The following PVALB variants were observed in gnomAD, a reference collection of about 807,000 sequenced individuals.
PVALB encodes parvalbumin alpha.
A neutral mutation model predicts 10.9 loss-of-function variants in PVALB; 11 were observed. The ratio of observed to expected loss-of-function variants is 1.01; its 90% CI spans 0.63 to 1.67. The LOEUF (loss-of-function observed/expected upper bound fraction) is 1.67. PVALB is among the 40% of genes most tolerant of loss of function. The pLI is 0.00. For missense variants in PVALB, 131 were observed against 136.2 expected (o/e 0.96, Z 0.19); for synonymous variants, 57 against 50.7 (o/e 1.12, Z -0.53).
intron 3 of PVALB, 113 bp from the exon 4 acceptor site, chr22:36,801,031 G>T: frequency 1.0e-6 from 1 of 995,678 alleles, no homozygotes; most frequent in Non-Finnish European, 1.6e-6. Flanking sequence ...TGCTTCTGCT[G>T]CAGCAGCCCC....
intron 3 of PVALB, among the ~76,000 whole-genome samples, chr22:36,805,495 T>G (rs965265758): frequency 6.6e-5 from 10 of 152,248 alleles, no homozygotes; most frequent in African/African-American, 2.2e-4. Context: ...GCATCATCGT[T>G]GTTCTTGTTG....
Position 36,815,171 on chromosome 22 carries a change from A to G in PVALB, c.126T>C (p.Asp42=), listed in dbSNP as rs2145954461. The G allele has an allele frequency of 6.2e-7, 1 of 1,614,156 alleles. No individual in the cohort carries two copies. The highest frequency in any genetic ancestry group is 8.5e-7 in the Non-Finnish European group (1 of 1,180,008). ...GCATGTGAAACACCTTCTTCACATC[A>G]TCCGCACTCTTTTTCTTCAGGCCGA... ...QMVGLKKKSA[D]DVKKVFHMLD... is the part of the protein sequence containing the mutation. Residue 42 remains aspartate (D), a synonymous_variant, in exon 2 of 4, where the codon GAT becomes GAC. Coordinates refer to ENST00000417718, the MANE Select transcript of PVALB (RefSeq NM_001315532.2).
intron 3 of PVALB, among the ~76,000 whole-genome samples, chr22:36,807,925 G>C (rs577556581): frequency 4.6e-5 from 7 of 152,150 alleles, no homozygotes; most frequent in Non-Finnish European, 8.8e-5. Context: ...GGGGTGGGGG[G>C]GTTGCAAGGT....
rs569586421 is a variant in PVALB, at chr22:36,808,639, A to G, written c.304+5007T>C. ...GCAAAAGTGTGGGCTCCACCTAAGGAATCAGAAACTCCTGGGGTCTGGCAC... is the reference window on the plus strand; with the variant it reads ...GCAAAAGTGTGGGCTCCACCTAAGGGATCAGAAACTCCTGGGGTCTGGCAC... On this transcript the variant is annotated intron_variant, in intron 3 of 3. Transcript: ENST00000417718. Among the ~76,000 whole-genome samples the G allele has an allele frequency of 4.6e-5, 7 of 152,342 alleles. No individual in the cohort carries two copies. In the South Asian group the frequency reaches 1.4e-3, roughly 32 times the overall value.
rs1939117277 is a variant in PVALB, at chr22:36,815,130, C to T, written c.167G>A (p.Ser56Asn). ...KVFHMLDKDK[S>N]GFIEEDELGF... ...CAGCTCATCCTCCTCGATGAAGCCA[C>T]TTTTGTCCTTGTCCAGCATGTGAAA... Residue 56 changes from serine (S) to asparagine (N), a missense_variant, in exon 2 of 4, where the codon AGT (serine) becomes AAT (asparagine). By Grantham distance (46) the Ser-to-Asn change is conservative (BLOSUM62 1). Transcript: ENST00000417718. 1 of 1,614,188 alleles carries T rather than the reference C, an allele frequency of 6.2e-7. No individual in the cohort carries two copies. The highest frequency in any genetic ancestry group is 2.2e-5 in the East Asian group (1 of 44,868).
At chr22:36,804,060 G>A (rs893431070) in intron 3 of PVALB, among the ~76,000 whole-genome samples, 1 of 152,180 alleles carries the variant, frequency 6.6e-6, no homozygotes, top group Non-Finnish European at 1.5e-5. Context: ...TCTGTCCTGG[G>A]ATAAAGGATG....
At chr22:36,805,418 A>G (rs1938934057) in intron 3 of PVALB, among the ~76,000 whole-genome samples, 1 of 152,228 alleles carries the variant, frequency 6.6e-6, no homozygotes, top group Non-Finnish European at 1.5e-5. Context: ...AACCAAGCCT[A>G]TAAACGCCTA....
At chr22:36,815,542 C>G (rs995540945) in intron 1 of PVALB, among the ~76,000 whole-genome samples, 1 of 152,182 alleles carries the variant, frequency 6.6e-6, no homozygotes, top group Non-Finnish European at 1.5e-5. Flanking sequence ...GAACCAAAGG[C>G]TTTTGTTCTT....
chr22:36,813,854 G>T, intron 2 of PVALB, 99 bp from the exon 3 acceptor site: 3 of 920,022 alleles, frequency 3.3e-6, no homozygotes, highest in Non-Finnish European at 5.4e-6. Flanking sequence ...TGGGGAAAGG[G>T]ATGGCTGGGA....
At chr22:36,811,618 C>A in intron 3 of PVALB, 1 of 452,550 alleles carries the variant, frequency 2.2e-6, no homozygotes, top group South Asian at 1.6e-5. Flanking sequence ...GCTGGTTTCT[C>A]TTCATCAGGT....
upstream of PVALB, chr22:36,817,270 A>T (rs376893050): frequency 1.9e-5 from 6 of 313,920 alleles, no homozygotes; most frequent in South Asian, 6.1e-4. Context: ...GCGGGATCCC[A>T]GGGGCTGCGG....
At position 36,808,182 on chromosome 22, in the gene PVALB, C is replaced by T. The variant is rs149771546; in HGVS notation, c.304+5464G>A. ...GGCTTCACAGCAAGTCGCTCTGCTT[C>T]CCGGGGCCTCAGATTCCTTGTATGT... is the stretch of plus-strand genomic sequence containing the variant. On this transcript the variant is annotated intron_variant, in intron 3 of 3. Transcript: ENST00000417718. Among the ~76,000 whole-genome samples, 223 of 152,346 alleles carry T rather than the reference C, an allele frequency of 1.5e-3. 2 individuals are homozygous for T. Among genetic ancestry groups the T allele is most frequent in the Middle Eastern group, 6.8e-3 (2 of 294 alleles).
At chr22:36,816,438 C>T (rs1227855999) in intron 1 of PVALB, 1 of 153,502 alleles carries the variant, frequency 6.5e-6, no homozygotes, top group Non-Finnish European at 1.4e-5. Context: ...ACCTCGCCCG[C>T]AGGTCCGTTG....
chr22:36,815,083 C>T lies in PVALB; in HGVS notation c.194+20G>A. ...CTCGTGCAGCCGTGGGCTGGGCAGCCCCTGCAGGCCTCCGCTTACCCCAGC... is the reference window on the plus strand; with the variant it reads ...CTCGTGCAGCCGTGGGCTGGGCAGCTCCTGCAGGCCTCCGCTTACCCCAGC... On this transcript the variant is annotated intron_variant, in intron 2 of 3. Transcript: ENST00000417718. The T allele has an allele frequency of 6.2e-7, 1 of 1,613,752 alleles. No homozygotes were observed. Among genetic ancestry groups the T allele is most frequent in the South Asian group, 1.1e-5 (1 of 91,036 alleles).
intron 3 of PVALB, among the ~76,000 whole-genome samples, chr22:36,808,160 T>C (rs1938987819): frequency 6.6e-6 from 1 of 152,240 alleles, no homozygotes; most frequent in Non-Finnish European, 1.5e-5. Context: ...GCCCTGAGGC[T>C]TCACAGCAAG....
intron 3 of PVALB, among the ~76,000 whole-genome samples, chr22:36,802,566 A>G (rs1222806986): frequency 7.6e-6 from 1 of 132,390 alleles, no homozygotes; most frequent in Non-Finnish European, 1.5e-5. Flanking sequence ...GTGCCACTGC[A>G]CTCCAGCCTG....
upstream of PVALB, chr22:36,817,337 C>G (rs1039827081): frequency 4.7e-6 from 1 of 214,808 alleles, no homozygotes. Context: ...GCGTCACCAG[C>G]TGGGTCTGGA....
intron 1 of PVALB, among the ~76,000 whole-genome samples, chr22:36,816,725 G>A (rs1440113404): frequency 6.6e-6 from 1 of 152,176 alleles, no homozygotes; most frequent in Admixed American, 6.5e-5. Flanking sequence ...TGTAACTTAG[G>A]CGGGGCGCCC....
intron 1 of PVALB, chr22:36,816,497 A>C: frequency 6.1e-6 from 1 of 164,150 alleles, no homozygotes; most frequent in Non-Finnish European, 1.3e-5. Flanking sequence ...AACAAAGGCT[A>C]CCGCCTGGCG....
Sources: gnomAD v4.1 joint callset for allele counts (sites outside exome capture counted in the v4.1 genomes callset) on GRCh38, gnomAD v4.1.1 for gene constraint, MANE v1.5 for transcripts, NCBI Gene and HGNC (gene_info 2026-07-23, HGNC 2026-07-21) for gene names.